The following SGCD variants were observed in gnomAD, a reference collection of about 807,000 sequenced individuals.
SGCD encodes the protein sarcoglycan delta, also known as delta-sarcoglycan.
SGCD carries 18 observed loss-of-function variants against 36.6 expected under a neutral mutation model. That is an observed-to-expected ratio of 0.49 (90% CI 0.34 to 0.73). The LOEUF (loss-of-function observed/expected upper bound fraction) is 0.73. Among genes scored for constraint, SGCD ranks in the 30% least tolerant of loss-of-function variants. The probability of loss-of-function intolerance (pLI) is 0.01; values close to 1 mark genes in which losing one functional copy is unlikely to be tolerated. For synonymous variants in SGCD, 133 were observed against 130.6 expected (o/e 1.02, Z -0.12); for missense variants, 387 against 346.7 (o/e 1.12, Z -0.92).
chr5:156,430,198 T>G (rs1280039703), intron 3 of SGCD, among the ~76,000 whole-genome samples: 1 of 152,164 alleles, frequency 6.6e-6, no homozygotes, highest in African/African-American at 2.4e-5. Flanking sequence ...TCATGGATAC[T>G]TTGTTCAGTT....
intron 1 of SGCD, among the ~76,000 whole-genome samples, chr5:156,002,642 T>G (rs551101025): frequency 6.6e-6 from 1 of 152,328 alleles, no homozygotes; most frequent in African/African-American, 2.4e-5. Context: ...CAACACATGG[T>G]ATGCCTTCTG....
intron 3 of SGCD, among the ~76,000 whole-genome samples, chr5:156,345,232 T>C (rs1768886268): frequency 6.6e-6 from 1 of 152,194 alleles, no homozygotes; most frequent in African/African-American, 2.4e-5. Context: ...GGAATGTAGC[T>C]GTGTTTCATT....
the SGCD span, among the ~76,000 whole-genome samples, chr5:155,815,319 C>T: frequency 1.3e-5 from 2 of 152,120 alleles, no homozygotes; most frequent in African/African-American, 2.4e-5. Context: ...AATTATTACT[C>T]TCAACATAAA....
the SGCD span, among the ~76,000 whole-genome samples, chr5:155,829,523 T>C: frequency 6.6e-6 from 1 of 152,208 alleles, no homozygotes; most frequent in African/African-American, 2.4e-5. Flanking sequence ...GATGGCTGTA[T>C]TTATTTCCAG....
intron 3 of SGCD, among the ~76,000 whole-genome samples, chr5:156,238,651 T>A (rs1324356774): frequency 6.6e-6 from 1 of 152,170 alleles, no homozygotes; most frequent in Non-Finnish European, 1.5e-5. Flanking sequence ...TGGCTGATAA[T>A]GACTGTATTG....
In SGCD at chr5:156,565,383, C is replaced by T. The variant is rs141208499; in HGVS notation, c.295-23848C>T. On this transcript the variant is annotated intron_variant, in intron 4 of 8. Coordinates refer to ENST00000337851, the MANE Select transcript of SGCD (RefSeq NM_000337.6). ...TCAGTAATATTTTTTTAAAAACCTG[C>T]CAGCCCTAGATTATTCTCTTTCAAC... is the stretch of plus-strand genomic sequence containing the variant. Among the ~76,000 whole-genome samples the T allele has an allele frequency of 6.2e-3, 944 of 152,170 alleles. 5 individuals are homozygous for T. The highest frequency in any genetic ancestry group is 9.8e-3 in the Non-Finnish European group (667 of 68,002).
chr5:156,206,701 T>C (rs953902737), intron 3 of SGCD, among the ~76,000 whole-genome samples: 3 of 152,108 alleles, frequency 2.0e-5, no homozygotes, highest in African/African-American at 7.2e-5. Context: ...TTAGATCTTG[T>C]ATACTATAAG....
At chr5:155,753,676 T>A in the SGCD span, among the ~76,000 whole-genome samples, 3 of 152,146 alleles carry the variant, frequency 2.0e-5, no homozygotes, top group African/African-American at 7.2e-5. Context: ...GAGAGGAATG[T>A]CTCCCATTTC....
At chr5:156,335,138 T>C (rs573577582) in intron 2 of SGCD, among the ~76,000 whole-genome samples, 3 of 152,310 alleles carry the variant, frequency 2.0e-5, no homozygotes, top group Admixed American at 2.0e-4. Context: ...TAATTCCTGG[T>C]AGAAATATGC....
intron 4 of SGCD, among the ~76,000 whole-genome samples, chr5:156,570,950 G>C (rs1273716525): frequency 6.6e-6 from 1 of 152,002 alleles, no homozygotes; most frequent in Non-Finnish European, 1.5e-5. Context: ...GTATTTACTT[G>C]CAATTTTGTA....
intron 4 of SGCD, among the ~76,000 whole-genome samples, chr5:156,538,815 T>G (rs1300504716): frequency 3.3e-5 from 5 of 152,060 alleles, no homozygotes; most frequent in Non-Finnish European, 5.9e-5. Flanking sequence ...TACCTCAATA[T>G]TGCAAGTTTC....
intron 1 of SGCD, among the ~76,000 whole-genome samples, chr5:155,991,057 C>T (rs2127564737): frequency 1.3e-5 from 2 of 152,134 alleles, no homozygotes; most frequent in East Asian, 3.9e-4. Flanking sequence ...TAACACATTC[C>T]CAGGTGAAGG....
At chr5:156,453,897 A>T (rs770274705) in intron 3 of SGCD, among the ~76,000 whole-genome samples, 1 of 152,196 alleles carries the variant, frequency 6.6e-6, no homozygotes, top group Non-Finnish European at 1.5e-5. Flanking sequence ...AAAATTCTAG[A>T]ACATGAAAAC....
chr5:156,073,025 C>G (rs1007278736), intron 1 of SGCD, among the ~76,000 whole-genome samples: 1 of 152,244 alleles, frequency 6.6e-6, no homozygotes, highest in African/African-American at 2.4e-5. Flanking sequence ...TCTAGTTATA[C>G]ATTCATCTAA....
At chr5:156,145,713 A>C (rs1420866828) in intron 3 of SGCD, among the ~76,000 whole-genome samples, 1 of 152,214 alleles carries the variant, frequency 6.6e-6, no homozygotes, top group Non-Finnish European at 1.5e-5. Context: ...AAGAAGAAAA[A>C]TGAAGCACTT....
intron 3 of SGCD, among the ~76,000 whole-genome samples, chr5:156,182,257 G>A (rs1002011909): frequency 5.3e-5 from 8 of 152,130 alleles, no homozygotes; most frequent in African/African-American, 1.9e-4. Context: ...TAAAGCTATA[G>A]CAATTAAGAT....
chr5:156,135,857 T>C (rs553820433), intron 3 of SGCD, among the ~76,000 whole-genome samples: 3 of 152,294 alleles, frequency 2.0e-5, no homozygotes, highest in South Asian at 2.1e-4. Flanking sequence ...TATTTTAGAT[T>C]CCTGAAGGTT....
chr5:155,949,831 G>A lies in SGCD; in HGVS notation c.-282+79407G>A, dbSNP rs1222248050. Among the ~76,000 whole-genome samples, 4 of 152,162 alleles carry A rather than the reference G, an allele frequency of 2.6e-5. No individual in the cohort carries two copies. The South Asian group carries it at 8.3e-4, about 32-fold the overall frequency. ...TACAGTCTGGCCCTTGACAGAAAAA[G>A]TTTGGGGATTACTGATAGATCATAA... On this transcript the variant is annotated intron_variant, in intron 1 of 9. Coordinates refer to the SGCD transcript ENST00000517913.
At chr5:156,553,591 C>A (rs1758883432) in intron 4 of SGCD, among the ~76,000 whole-genome samples, 1 of 152,014 alleles carries the variant, frequency 6.6e-6, no homozygotes, top group South Asian at 2.1e-4. Context: ...ATAAAGAAAC[C>A]CCATACTCAT....
Sources: allele counts gnomAD v4.1 joint callset (sites outside exome capture counted in the v4.1 genomes callset), GRCh38; gene constraint gnomAD v4.1.1; transcripts MANE v1.5; gene names NCBI Gene and HGNC (gene_info 2026-07-23, HGNC 2026-07-21).